The following FMR1NB variants were observed in gnomAD, a reference collection of about 807,000 sequenced individuals.
FMR1NB encodes the protein FMR1 neighbor.
FMR1NB carries 10 observed loss-of-function variants against 16.8 expected under a neutral mutation model. The observed-to-expected ratio is 0.60, with a 90% CI of 0.37 to 1.01. FMR1NB has a LOEUF of 1.01. Ranked by LOEUF, FMR1NB falls within the 50% of genes least tolerant of loss-of-function variation. FMR1NB has a pLI of 0.01. For synonymous variants in FMR1NB, 83 were observed against 79.1 expected, an observed-to-expected ratio of 1.05 and a Z score of -0.26; for missense variants, 205 against 204.8, an observed-to-expected ratio of 1.00 and a Z score of 0.00.
chrX:147,981,363 G>C lies in FMR1NB; in HGVS notation c.-40G>C, dbSNP rs2044444317. The C allele has an allele frequency of 9.6e-7, 1 of 1,042,274 alleles. No individual in the cohort carries two copies. Among genetic ancestry groups the C allele is most frequent in the Non-Finnish European group, 1.3e-6 (1 of 798,158 alleles). 85.9% of individuals were successfully genotyped at this position (1,042,274 alleles called of 1,213,427 possible). ...TGGGCCACGGACTGCCGGACCGTTGGGCTGTGAGGCAGCGTCTCAGCGAGG... is the reference window on the plus strand; with the variant it reads ...TGGGCCACGGACTGCCGGACCGTTGCGCTGTGAGGCAGCGTCTCAGCGAGG... On this transcript the variant is annotated 5_prime_UTR_variant, in exon 1 of 6. Transcript: ENST00000370467.
chrX:147,998,177 T>C (rs971414939), intron 1 of FMR1NB, among the ~76,000 whole-genome samples: 6 of 112,343 alleles, frequency 5.3e-5, no homozygotes, highest in Admixed American at 1.9e-4. Flanking sequence ...CAGCACTATT[T>C]ACAATAGCAA....
At chrX:147,997,888 T>C (rs1377396219) in intron 1 of FMR1NB, among the ~76,000 whole-genome samples, 1 of 111,826 alleles carries the variant, frequency 8.9e-6, no homozygotes, top group African/African-American at 3.3e-5. Flanking sequence ...GAAATGCAAA[T>C]AAAAACCACA....
chrX:148,022,545 C>A (rs529400099), intron 4 of FMR1NB, among the ~76,000 whole-genome samples: 1 of 111,654 alleles, frequency 9.0e-6, no homozygotes, highest in African/African-American at 3.3e-5. Flanking sequence ...TGACCTTTTC[C>A]GTGTGCGTAT....
intron 4 of FMR1NB, among the ~76,000 whole-genome samples, chrX:148,011,610 G>C (rs1472555356): frequency 3.6e-5 from 4 of 111,570 alleles, no homozygotes; most frequent in Non-Finnish European, 7.5e-5. Context: ...TTTTGAAGCA[G>C]TGGAGATCAG....
rs1452281083 is a variant in FMR1NB, at chrX:147,999,150, T to A, written c.278-4051T>A. On this transcript the variant is annotated intron_variant, in intron 1 of 5. Transcript: ENST00000370467. Reference sequence around the variant, plus strand: ...AGCCTGTCCAGCAGGGTCTGGAGGCTAGGGCACTCTGAGTTGGGGACTCTA... The same window carrying A: ...AGCCTGTCCAGCAGGGTCTGGAGGCAAGGGCACTCTGAGTTGGGGACTCTA... 2.7e-5 allele frequency among the ~76,000 whole-genome samples: 3 copies of A among 111,651 alleles called. No individual in the cohort carries two copies. In the East Asian group the frequency reaches 8.5e-4, roughly 31 times the overall value.
At chrX:148,002,541 T>A (rs1221495207) in intron 1 of FMR1NB, among the ~76,000 whole-genome samples, 1 of 112,316 alleles carries the variant, frequency 8.9e-6, no homozygotes, top group Non-Finnish European at 1.9e-5. Flanking sequence ...ATGATAATCA[T>A]TGCAGTGTTC....
chrX:148,009,557 G>T (rs782494678), intron 4 of FMR1NB, among the ~76,000 whole-genome samples: 1 of 108,193 alleles, frequency 9.2e-6, no homozygotes, highest in South Asian at 4.3e-4. Flanking sequence ...GGACAGAGTG[G>T]GTATAGAGGT....
At chrX:147,998,411 A>C (rs1290626693) in intron 1 of FMR1NB, among the ~76,000 whole-genome samples, 2 of 111,741 alleles carry the variant, frequency 1.8e-5, no homozygotes, top group Non-Finnish European at 3.8e-5. Flanking sequence ...CAATGAGAAC[A>C]TATGGACACA....
chrX:148,014,506 A>G (rs1557189921), intron 4 of FMR1NB, among the ~76,000 whole-genome samples: 1 of 112,333 alleles, frequency 8.9e-6, no homozygotes, highest in African/African-American at 3.2e-5. Flanking sequence ...AGCAAATCAG[A>G]TTATGCTCTG....
chrX:148,021,385 C>G (rs1242703740), intron 4 of FMR1NB, among the ~76,000 whole-genome samples: 2 of 96,753 alleles, frequency 2.1e-5, no homozygotes, highest in African/African-American at 8.3e-5. Context: ...ATTTTTGGTT[C>G]TTATGAAGGG....
intron 2 of FMR1NB, among the ~76,000 whole-genome samples, chrX:148,005,685 T>C (rs2044592697): frequency 9.0e-6 from 1 of 111,617 alleles, no homozygotes; most frequent in Non-Finnish European, 1.9e-5. Context: ...GTTGCAAAGA[T>C]TAGTAATAAA....
At chrX:148,018,254 T>G (rs1277365610) in intron 4 of FMR1NB, among the ~76,000 whole-genome samples, 4 of 111,976 alleles carry the variant, frequency 3.6e-5, no homozygotes, top group African/African-American at 1.3e-4. Context: ...AGAGGGTATC[T>G]CATTGTGGTT....
chrX:148,007,448 C>G (rs1260265668), intron 3 of FMR1NB, among the ~76,000 whole-genome samples: 3 of 111,183 alleles, frequency 2.7e-5, no homozygotes, highest in African/African-American at 9.8e-5. Context: ...CACCAGCAAG[C>G]CCGACTAATT....
Position 147,983,431 on chromosome X carries a change from A to G in FMR1NB, c.277+1752A>G, listed in dbSNP as rs2044461210. On this transcript the variant is annotated intron_variant, in intron 1 of 5. Coordinates refer to ENST00000370467, the MANE Select transcript of FMR1NB (RefSeq NM_152578.3). ...CCTTGTTATACATTATAGCCATTAT[A>G]GTAGGAGTGAAATAGTATCTCTTTA... Among the ~76,000 whole-genome samples, 4 of 112,611 alleles carry G rather than the reference A, an allele frequency of 3.6e-5. No individual in the cohort carries two copies. In the South Asian group the frequency reaches 1.5e-3, roughly 41 times the overall value.
chrX:148,002,798 T>C lies in FMR1NB; in HGVS notation c.278-403T>C, dbSNP rs2044577362. Among the ~76,000 whole-genome samples, 2 of 112,313 alleles carry C rather than the reference T, an allele frequency of 1.8e-5. 1 individual carries two copies. The highest frequency in any genetic ancestry group is 1.9e-4 in the Admixed American group (2 of 10,580). On this transcript the variant is annotated intron_variant, in intron 1 of 5. Coordinates refer to ENST00000370467, the MANE Select transcript of FMR1NB (RefSeq NM_152578.3). ...AGGATAAGGAAGGTTTTACTGTATGTAAGGCCTTGATTTTTGTCAATATAT... is the reference window on the plus strand; with the variant it reads ...AGGATAAGGAAGGTTTTACTGTATGCAAGGCCTTGATTTTTGTCAATATAT...
At chrX:148,012,675 C>T (rs1228695728) in intron 4 of FMR1NB, among the ~76,000 whole-genome samples, 2 of 111,490 alleles carry the variant, frequency 1.8e-5, no homozygotes, top group African/African-American at 6.5e-5. Context: ...TAGACCAATC[C>T]TGCTGCATGA....
chrX:148,003,427 C>G, intron 2 of FMR1NB, 107 bp downstream of exon 2: 1 of 892,294 alleles, frequency 1.1e-6, no homozygotes, highest in Non-Finnish European at 1.6e-6. Context: ...TGGGACAGAG[C>G]TGAGTTTGAA....
At chrX:148,008,972 G>A (rs2044610516) in intron 4 of FMR1NB, among the ~76,000 whole-genome samples, 1 of 110,456 alleles carries the variant, frequency 9.1e-6, no homozygotes, top group African/African-American at 3.3e-5. Flanking sequence ...TTGAGGTCAG[G>A]AGTTCGAGAC....
At position 147,981,345 on chromosome X, in the gene FMR1NB, C is replaced by T. The variant is rs1027673330; in HGVS notation, c.-58C>T. The T allele has an allele frequency of 1.4e-4, 166 of 1,161,981 alleles. No individual in the cohort carries two copies. The highest frequency in any genetic ancestry group is 1.6e-4 in the Non-Finnish European group (142 of 869,668). On this transcript the variant is annotated 5_prime_UTR_variant, in exon 1 of 6. The change creates a new upstream start codon in the 5' untranslated region. Coordinates refer to ENST00000370467, the MANE Select transcript of FMR1NB (RefSeq NM_152578.3). ...GACTGCCCCGGAAGCTTCTGGGCCA[C>T]GGACTGCCGGACCGTTGGGCTGTGA... is the stretch of plus-strand genomic sequence containing the variant.
Sources: gnomAD v4.1 joint callset for allele counts (sites outside exome capture counted in the v4.1 genomes callset) on GRCh38, gnomAD v4.1.1 for gene constraint, MANE v1.5 for transcripts, NCBI Gene and HGNC (gene_info 2026-07-23, HGNC 2026-07-21) for gene names.